PAK4: variants seen among roughly 807,000 people sequenced by gnomAD.
PAK4 encodes the protein serine/threonine-protein kinase PAK 4.
PAK4 carries 49 observed loss-of-function variants against 53.5 expected under a neutral mutation model. The observed-to-expected ratio is 0.92, with a 90% CI of 0.73 to 1.16. The LOEUF is 1.16. Ranked by LOEUF, PAK4 falls within the 50% of genes most tolerant of loss-of-function variation. The probability of loss-of-function intolerance (pLI) is 0.00; values close to 1 mark genes in which losing one functional copy is unlikely to be tolerated. For missense variants in PAK4, 824 were observed against 850.7 expected (o/e 0.97, Z 0.39); for synonymous variants, 376 against 375.6 (o/e 1.00, Z -0.01).
chr19:39,175,580 G>A lies in PAK4; in HGVS notation c.1359+142G>A. 1 of 906,632 alleles carries A rather than the reference G, an allele frequency of 1.1e-6. No individual in the cohort carries two copies. Among genetic ancestry groups the A allele is most frequent in the South Asian group, 1.7e-5 (1 of 59,658 alleles). The allele number at this position is 906,632 out of a possible 1,614,324, so 56.2% of individuals were successfully genotyped here. A position where few individuals can be genotyped will look rare whatever the true frequency, so the allele number is the denominator to read the frequency against. ...GGAGCTGGGAACTTCGTCCCTCCCT[G>A]GTGGAGCAGCCCAGAGTCAGGTTCC... On this transcript the variant is annotated intron_variant, in intron 6 of 8. Transcript: ENST00000358301. The surrounding 1 kb of genome is among the most constrained non-coding windows in gnomAD (Gnocchi z 4.7).
At chr19:39,146,295 C>G (rs1568504967) in intron 1 of PAK4, among the ~76,000 whole-genome samples, 1 of 152,044 alleles carries the variant, frequency 6.6e-6, no homozygotes, top group South Asian at 2.1e-4. Flanking sequence ...GGGAGAAGAC[C>G]CAGAGGACTG....
chr19:39,140,785 C>T (rs1240551165), intron 1 of PAK4, among the ~76,000 whole-genome samples: 1 of 152,150 alleles, frequency 6.6e-6, no homozygotes, highest in Non-Finnish European at 1.5e-5. Context: ...CATCCTCTGA[C>T]CTTGGGCGAG....
chr19:39,145,376 T>C (rs1007956275), intron 1 of PAK4, among the ~76,000 whole-genome samples: 1 of 152,178 alleles, frequency 6.6e-6, no homozygotes, highest in African/African-American at 2.4e-5. Context: ...CAATATTTTG[T>C]TCTTGAGATT....
Position 39,166,933 on chromosome 19 carries a change from G to A in PAK4, c.-22-2599G>A, listed in dbSNP as rs144870437. On this transcript the variant is annotated intron_variant, in intron 1 of 8. Coordinates refer to ENST00000358301, the Ensembl canonical transcript of PAK4. ...CTGTTTGTCCTGCCCTCTGTGCAGT[G>A]CCCAGAGGGAAGGGGTGGCCCCAGG... is the stretch of plus-strand genomic sequence containing the variant. Among the ~76,000 whole-genome samples, 1,147 of 152,354 alleles carry A rather than the reference G, an allele frequency of 7.5e-3. 6 individuals carry two copies. Among genetic ancestry groups the A allele is most frequent in the Non-Finnish European group, 0.012 (840 of 68,034 alleles).
chr19:39,165,238 C>A (rs1332318599), intron 1 of PAK4, among the ~76,000 whole-genome samples: 4 of 121,186 alleles, frequency 3.3e-5, no homozygotes, highest in Non-Finnish European at 7.3e-5. Flanking sequence ...CGCGGTGGCT[C>A]ACGCCTGTAA....
rs1429397841 is a variant in PAK4 at position 39,173,734 on chromosome 19, A to C, written c.822A>C (p.Pro274=). The C allele has an allele frequency of 6.4e-7, 1 of 1,574,026 alleles. No individual in the cohort carries two copies. Among genetic ancestry groups the C allele is most frequent in the South Asian group, 1.1e-5 (1 of 87,274 alleles). ...CCTCAGAGCCCCAGCTGGCCCCTCC[A>C]GCCTGCACCCCCGCCGCCCCTGCTG... Residue 274 remains proline, a synonymous_variant, in exon 4 of 9, where the codon CCA becomes CCC. Transcript: ENST00000358301. The surrounding 1 kb of genome is among the most constrained non-coding windows in gnomAD (Gnocchi z 6.9).
intron 1 of PAK4, among the ~76,000 whole-genome samples, chr19:39,142,754 C>A (rs2073931424): frequency 6.6e-6 from 1 of 152,240 alleles, no homozygotes; most frequent in Non-Finnish European, 1.5e-5. Context: ...GTCTCCCACC[C>A]CAGCTCTACC....
downstream of PAK4, chr19:39,181,883 A>C (rs1202960243): frequency 6.6e-6 from 1 of 151,762 alleles, no homozygotes; most frequent in Non-Finnish European, 1.5e-5. Context: ...GCCCCAAAAT[A>C]AACAATGCAA....
At chr19:39,169,440 G>A in intron 1 of PAK4, 92 bp from the exon 3 acceptor site, 4 of 917,160 alleles carry the variant, frequency 4.4e-6, no homozygotes, top group Non-Finnish European at 3.5e-6. Context: ...GTTGGTCCCG[G>A]TGTAAGATGA....
At chr19:39,140,093 G>A (rs1249522068) in intron 1 of PAK4, among the ~76,000 whole-genome samples, 1 of 152,126 alleles carries the variant, frequency 6.6e-6, no homozygotes, top group Non-Finnish European at 1.5e-5. Context: ...TTTCTGGTCT[G>A]TCCAGATGTC....
downstream of PAK4, chr19:39,180,134 TTAGTCC>T (rs1489854554): frequency 3.9e-5 from 6 of 152,276 alleles, no homozygotes; most frequent in Admixed American, 6.5e-5. Flanking sequence ...AGATTCCAGG[TTAGTCC>T]ACGCCTCCCA....
chr19:39,177,383 C>T (rs771253980), intron 7 of PAK4, among the ~76,000 whole-genome samples: 10 of 151,994 alleles, frequency 6.6e-5, no homozygotes, highest in Admixed American at 2.0e-4. Flanking sequence ...GTGATGAGGC[C>T]GCATGGGTCC....
intron 1 of PAK4, among the ~76,000 whole-genome samples, chr19:39,163,861 A>G (rs1227757868): frequency 6.6e-6 from 1 of 152,158 alleles, no homozygotes; most frequent in Non-Finnish European, 1.5e-5. Context: ...AATGCAGCGG[A>G]CAGGGACGAT....
chr19:39,172,807 C>T, intron 2 of PAK4, 111 bp from the exon 4 acceptor site: 1 of 921,234 alleles, frequency 1.1e-6, no homozygotes, highest in Non-Finnish European at 1.6e-6. Flanking sequence ...TTCATTGCGT[C>T]TCTGTCTTGT....
chr19:39,150,942 A>G (rs548914511), intron 1 of PAK4, among the ~76,000 whole-genome samples: 23 of 151,010 alleles, frequency 1.5e-4, no homozygotes, highest in Admixed American at 4.6e-4. Flanking sequence ...TAGGGCCCAC[A>G]CTGCACTTCT....
At chr19:39,148,002 A>T (rs553216730) in intron 1 of PAK4, among the ~76,000 whole-genome samples, 4 of 134,180 alleles carry the variant, frequency 3.0e-5, no homozygotes, top group South Asian at 2.4e-4. Flanking sequence ...CCCAGGCTGG[A>T]GTACAGTGGT....
intron 1 of PAK4, among the ~76,000 whole-genome samples, chr19:39,148,851 AC>A (rs1426044130): frequency 6.6e-6 from 1 of 151,790 alleles, no homozygotes; most frequent in African/African-American, 2.4e-5. Flanking sequence ...TTTGGATTAA[AC>A]TTCTTTTTTT....
intron 2 of PAK4, 131 bp downstream of exon 3, chr19:39,169,888 C>T (rs2074446111): frequency 1.5e-6 from 1 of 687,698 alleles, no homozygotes; most frequent in African/African-American, 1.8e-5. Flanking sequence ...CCCCAGCCTT[C>T]CACCCCTATC....
At chr19:39,182,509 T>A (rs1340438867), downstream of PAK4, 1 of 152,108 alleles carries the variant, frequency 6.6e-6, no homozygotes, top group Admixed American at 6.6e-5. Context: ...TCATATACAA[T>A]CAGGAGATTT....
Sources: gnomAD v4.1 joint callset for allele counts (sites outside exome capture counted in the v4.1 genomes callset) on GRCh38, gnomAD v4.1.1 for gene constraint, Gnocchi (gnomAD v3.1) non-coding constraint, MANE v1.5 for transcripts, NCBI Gene and HGNC (gene_info 2026-07-23, HGNC 2026-07-21) for gene names.